GPC3: variants seen among roughly 807,000 people sequenced by gnomAD.
GPC3 encodes glypican 3, also known as glypican-3.
GPC3 carries 3 observed loss-of-function variants against 34.4 expected under a neutral mutation model. That is an observed-to-expected ratio of 0.09 (90% CI 0.04 to 0.23). The LOEUF (loss-of-function observed/expected upper bound fraction) is 0.23. Among genes scored for constraint, GPC3 ranks in the 10% least tolerant of loss-of-function variants. GPC3 has a pLI of 1.00. For missense variants in GPC3, 351 were observed against 445.6 expected, an observed-to-expected ratio of 0.79 and a Z score of 1.91; for synonymous variants, 177 against 174.0, an observed-to-expected ratio of 1.02 and a Z score of -0.13.
At chrX:133,791,161 G>A (rs2072155968) in intron 2 of GPC3, among the ~76,000 whole-genome samples, 1 of 111,703 alleles carries the variant, frequency 9.0e-6, no homozygotes, top group African/African-American at 3.3e-5. Context: ...CTCTCCCCAT[G>A]GCCAGTACAG....
intron 2 of GPC3, among the ~76,000 whole-genome samples, chrX:133,786,661 G>A (rs2072105523): frequency 8.9e-6 from 1 of 112,100 alleles, no homozygotes; most frequent in Admixed American, 9.4e-5. Flanking sequence ...GGAAGAGCCT[G>A]GCTTCTTCAG....
intron 4 of GPC3, among the ~76,000 whole-genome samples, chrX:133,699,185 C>A (rs112464459): frequency 1.8e-3 from 202 of 111,737 alleles, no homozygotes; most frequent in African/African-American, 5.7e-3. Context: ...CCACTGCACT[C>A]CCCCCTCAAG....
chrX:133,693,830 T>C (rs1278979550), intron 4 of GPC3, among the ~76,000 whole-genome samples: 1 of 111,738 alleles, frequency 8.9e-6, no homozygotes, highest in Non-Finnish European at 1.9e-5. Context: ...AAGGTGGCAG[T>C]GTTGGGAGGT....
At chrX:133,877,890 T>C (rs1468542750) in intron 2 of GPC3, among the ~76,000 whole-genome samples, 1 of 111,182 alleles carries the variant, frequency 9.0e-6, no homozygotes, top group African/African-American at 3.3e-5. Context: ...AAAAAAAGAC[T>C]GGAGAGAAAT....
chrX:133,667,907 T>G (rs2070784304), intron 5 of GPC3, among the ~76,000 whole-genome samples: 1 of 108,026 alleles, frequency 9.3e-6, no homozygotes, highest in Non-Finnish European at 1.9e-5. Flanking sequence ...TTCTTTTCTT[T>G]TTTTTTCTTT....
intron 2 of GPC3, among the ~76,000 whole-genome samples, chrX:133,860,243 C>A (rs1337988637): frequency 1.8e-5 from 2 of 111,831 alleles, no homozygotes; most frequent in Non-Finnish European, 3.8e-5. Flanking sequence ...TTTAAATCCT[C>A]ATAACAACCC....
chrX:133,554,160 C>T (rs1228860796), intron 7 of GPC3, among the ~76,000 whole-genome samples: 8 of 109,818 alleles, frequency 7.3e-5, no homozygotes, highest in African/African-American at 2.0e-4. Context: ...ACTACAGGTG[C>T]GCACCACCAT....
At chrX:133,856,078 T>A (rs965196376) in intron 2 of GPC3, among the ~76,000 whole-genome samples, 1 of 112,336 alleles carries the variant, frequency 8.9e-6, no homozygotes, top group Admixed American at 9.5e-5. Flanking sequence ...TCAATGAACA[T>A]GAGAGTGCAG....
intron 2 of GPC3, among the ~76,000 whole-genome samples, chrX:133,786,326 C>T (rs1436625817): frequency 1.8e-5 from 2 of 111,890 alleles, no homozygotes; most frequent in Admixed American, 9.4e-5. Context: ...ATCTGGGAGG[C>T]GGAGGTTGCA....
chrX:133,739,095 GA>G (rs1185400632), intron 3 of GPC3, among the ~76,000 whole-genome samples: 1 of 110,415 alleles, frequency 9.1e-6, no homozygotes, highest in South Asian at 3.9e-4. Context: ...TATGTATAGG[GA>G]AAAAAAACCC....
chrX:133,639,301 A>G (rs2070459262), intron 6 of GPC3, among the ~76,000 whole-genome samples: 1 of 112,072 alleles, frequency 8.9e-6, no homozygotes, highest in Admixed American at 9.5e-5. Flanking sequence ...GACTTGTCTT[A>G]AAATCTCAAT....
At chrX:133,644,151 T>A (rs1159643034) in intron 6 of GPC3, among the ~76,000 whole-genome samples, 1 of 110,969 alleles carries the variant, frequency 9.0e-6, no homozygotes, top group Non-Finnish European at 1.9e-5. Flanking sequence ...TCATAAACAA[T>A]GCTACTGAAA....
At chrX:133,587,995 G>A (rs1277045409) in intron 7 of GPC3, among the ~76,000 whole-genome samples, 1 of 111,574 alleles carries the variant, frequency 9.0e-6, no homozygotes, top group Non-Finnish European at 1.9e-5. Flanking sequence ...CTAAGGGTAA[G>A]AAGGTGTCTC....
At chrX:133,856,750 T>C (rs757288588) in intron 2 of GPC3, among the ~76,000 whole-genome samples, 4 of 112,014 alleles carry the variant, frequency 3.6e-5, no homozygotes, top group Admixed American at 1.9e-4. Context: ...AAACTAAAAC[T>C]TGATTAAGCA....
chrX:133,742,539 G>A (rs1012841379), intron 3 of GPC3, among the ~76,000 whole-genome samples: 3 of 111,844 alleles, frequency 2.7e-5, no homozygotes, highest in African/African-American at 9.8e-5. Flanking sequence ...GTTTGAAAAA[G>A]AGGGGCCCAT....
Position 133,962,387 on chromosome X carries a change from C to T in GPC3, c.176-9176G>A, listed in dbSNP as rs772740809. 5.4e-5 allele frequency among the ~76,000 whole-genome samples: 6 copies of T among 112,117 alleles called. No individual in the cohort carries two copies. In the East Asian group the frequency reaches 1.7e-3, roughly 31 times the overall value. ...CTCAAGGGGCCCATTGTAGTTTGGGCTTGATGTTCTCCCCTTTCACTTGGA... is the reference window on the plus strand; with the variant it reads ...CTCAAGGGGCCCATTGTAGTTTGGGTTTGATGTTCTCCCCTTTCACTTGGA... On this transcript the variant is annotated intron_variant, in intron 1 of 7. Transcript: ENST00000370818.
intron 4 of GPC3, among the ~76,000 whole-genome samples, chrX:133,695,929 T>C (rs956271744): frequency 8.9e-6 from 1 of 112,064 alleles, no homozygotes; most frequent in Non-Finnish European, 1.9e-5. Flanking sequence ...TGAGTTCTTT[T>C]TGGTTCTTAG....
chrX:133,704,180 A>T (rs1395039917), intron 3 of GPC3: 17 of 985,405 alleles, frequency 1.7e-5, no homozygotes, highest in Middle Eastern at 2.6e-4. Context: ...CTTCACTGTG[A>T]CCTGGTCCCA....
intron 2 of GPC3, among the ~76,000 whole-genome samples, chrX:133,774,595 A>G (rs1413085663): frequency 2.7e-5 from 3 of 111,601 alleles, no homozygotes; most frequent in African/African-American, 6.5e-5. Flanking sequence ...GGTATTATAA[A>G]TAAAATATTA....
Sources: allele counts gnomAD v4.1 joint callset (sites outside exome capture counted in the v4.1 genomes callset), GRCh38; gene constraint gnomAD v4.1.1; transcripts MANE v1.5; gene names NCBI Gene and HGNC (gene_info 2026-07-23, HGNC 2026-07-21).